The following CEP135 variants were observed in gnomAD, a reference collection of about 807,000 sequenced individuals.
The protein encoded by CEP135 is centrosomal protein of 135 kDa.
CEP135 carries 142 observed loss-of-function variants against 157.3 expected under a neutral mutation model. The ratio of observed to expected loss-of-function variants is 0.90; its 90% CI spans 0.79 to 1.04. The LOEUF (loss-of-function observed/expected upper bound fraction) is 1.04. CEP135 is among the 50% of genes least tolerant of loss of function. The pLI, the probability that CEP135 is intolerant of heterozygous loss-of-function variation, is 0.00. For synonymous variants in CEP135, 396 were observed against 439.8 expected, an observed-to-expected ratio of 0.90 and a Z score of 1.25; for missense variants, 1,317 against 1,309.2, an observed-to-expected ratio of 1.01 and a Z score of -0.09.
At chr4:56,004,420 A>G (rs375673717) in intron 17 of CEP135, among the ~76,000 whole-genome samples, 13 of 152,204 alleles carry the variant, frequency 8.5e-5, no homozygotes, top group African/African-American at 3.1e-4. Context: ...TCAGTTGGGC[A>G]TATTTGTCTA....
intron 6 of CEP135, among the ~76,000 whole-genome samples, chr4:55,963,038 TTTGG>T (rs1338667118): frequency 1.2e-4 from 19 of 152,154 alleles, no homozygotes; most frequent in African/African-American, 4.6e-4. Flanking sequence ...TATTCTCTAC[TTTGG>T]TTGGTAGCAT....
intron 14 of CEP135, among the ~76,000 whole-genome samples, chr4:55,988,684 G>A (rs982625375): frequency 6.9e-6 from 1 of 144,960 alleles, no homozygotes; most frequent in African/African-American, 2.6e-5. Context: ...ATGGCTGGGC[G>A]TGGTGGCTCA....
At chr4:56,013,549 A>G (rs1730665518) in intron 21 of CEP135, among the ~76,000 whole-genome samples, 1 of 152,204 alleles carries the variant, frequency 6.6e-6, no homozygotes, top group African/African-American at 2.4e-5. Context: ...ATTTTTACAA[A>G]TGATATAAGA....
At chr4:56,010,184 C>A (rs28516070) in intron 19 of CEP135, among the ~76,000 whole-genome samples, 3 of 116,776 alleles carry the variant, frequency 2.6e-5, no homozygotes, top group Non-Finnish European at 5.3e-5. Context: ...AACCCCCCCC[C>A]CACCCCCATC....
chr4:55,993,069 A>C (rs1305929019), intron 15 of CEP135, among the ~76,000 whole-genome samples: 1 of 152,234 alleles, frequency 6.6e-6, no homozygotes, highest in Non-Finnish European at 1.5e-5. Flanking sequence ...GAGATCAGAA[A>C]GGATTATAGT....
chr4:56,026,422 T>G (rs1731161398), intron 25 of CEP135, among the ~76,000 whole-genome samples: 1 of 150,608 alleles, frequency 6.6e-6, no homozygotes, highest in African/African-American at 2.4e-5. Context: ...TTTGCTTACT[T>G]TTAGACATTT....
chr4:56,009,988 TCTG>T, intron 19 of CEP135, 85 bp downstream of exon 19: 1 of 1,288,606 alleles, frequency 7.8e-7, no homozygotes, highest in African/African-American at 1.5e-5. Flanking sequence ...TTTTCTAAAA[TCTG>T]ATGATATAAA....
rs1577913262 is a variant in CEP135, at chr4:56,019,350, T to C, written c.3013-3T>C. 1 of 1,603,506 alleles carries C rather than the reference T, an allele frequency of 6.2e-7. No homozygotes were observed. The highest frequency in any genetic ancestry group is 1.9e-4 in the Middle Eastern group (1 of 5,228). On this transcript the variant is annotated splice_polypyrimidine_tract_variant and splice_region_variant and intron_variant, in intron 22 of 25. Transcript: ENST00000257287. ...AAGTAATCTTACTTTGTTTTTCACGTAGGTTGTGGTGGAATTAGAAAATGT... is the reference window on the plus strand; with the variant it reads ...AAGTAATCTTACTTTGTTTTTCACGCAGGTTGTGGTGGAATTAGAAAATGT...
chr4:55,973,357 C>T (rs187001322), intron 10 of CEP135, among the ~76,000 whole-genome samples: 1 of 152,318 alleles, frequency 6.6e-6, no homozygotes, highest in Non-Finnish European at 1.5e-5. Context: ...ATGTTTTGCA[C>T]TGTCAATAAA....
At position 56,011,991 on chromosome 4, in the gene CEP135, ATATT is replaced by A; in HGVS notation, c.2802+12_2802+15del. 6.8e-7 allele frequency: 1 copy of A among 1,474,196 alleles called. No individual in the cohort carries two copies. The highest frequency in any genetic ancestry group is 9.1e-7 in the Non-Finnish European group (1 of 1,102,738). 91.3% of individuals were successfully genotyped at this position (1,474,196 alleles called of 1,614,324 possible). On this transcript the variant is annotated splice_region_variant and intron_variant, in intron 21 of 25. Coordinates refer to ENST00000257287, the MANE Select transcript of CEP135 (RefSeq NM_025009.5). ...TAGAAAAAGAAATTCAAGAGGTAAT[ATATT>A]TATTTGTTTTGTAAAGATGTTATTT...
intron 8 of CEP135, among the ~76,000 whole-genome samples, chr4:55,967,720 G>A (rs1382103996): frequency 3.3e-5 from 5 of 152,064 alleles, no homozygotes; most frequent in African/African-American, 7.2e-5. Context: ...GTATATCACC[G>A]AATTGATTTT....
chr4:56,016,555 A>G (rs1000541988), intron 21 of CEP135, among the ~76,000 whole-genome samples: 2 of 152,326 alleles, frequency 1.3e-5, no homozygotes, highest in African/African-American at 2.4e-5. Context: ...ATACAATACT[A>G]AAGTATTATA....
At chr4:55,964,015 A>C (rs1728764874) in intron 6 of CEP135, among the ~76,000 whole-genome samples, 1 of 152,222 alleles carries the variant, frequency 6.6e-6, no homozygotes, top group Non-Finnish European at 1.5e-5. Context: ...GAGGGAAAAA[A>C]ATACAAAAAT....
In CEP135 at chr4:55,959,691, A is replaced by T. The variant is rs758365942; in HGVS notation, c.624A>T (p.Glu208Asp). 1.2e-6 allele frequency: 2 copies of T among 1,613,984 alleles called. No individual in the cohort carries two copies. The highest frequency in any genetic ancestry group is 2.2e-5 in the South Asian group (2 of 91,056). Reference sequence around the variant, plus strand: ...TTAAAGTGCTTTTCAGGATTCAAGAACTTCAACAGGAAGTCCACCAGCTAC... The same window carrying T: ...TTAAAGTGCTTTTCAGGATTCAAGATCTTCAACAGGAAGTCCACCAGCTAC... ...LLQVADNRIQ[E>D]LQQEVHQLQE... Residue 208 changes from glutamate (E) to aspartate (D), a missense_variant, in exon 6 of 26, where the codon GAA becomes GAT. By Grantham distance (45) the Glu-to-Asp change is conservative (BLOSUM62 2). Coordinates refer to ENST00000257287, the MANE Select transcript of CEP135 (RefSeq NM_025009.5).
intron 15 of CEP135, among the ~76,000 whole-genome samples, chr4:55,997,310 C>G (rs1730006819): frequency 6.6e-6 from 1 of 152,126 alleles, no homozygotes; most frequent in East Asian, 1.9e-4. Flanking sequence ...AAAGACGAAG[C>G]TACTTTTAGG....
At chr4:55,999,066 T>C (rs1374911727) in intron 15 of CEP135, among the ~76,000 whole-genome samples, 2 of 152,164 alleles carry the variant, frequency 1.3e-5, no homozygotes, top group Non-Finnish European at 2.9e-5. Flanking sequence ...AGCACACAAT[T>C]AATTTGATTT....
chr4:55,957,795 T>C (rs942948320), intron 5 of CEP135, among the ~76,000 whole-genome samples: 1 of 152,232 alleles, frequency 6.6e-6, no homozygotes, highest in African/African-American at 2.4e-5. Context: ...TTTCCTTACA[T>C]TTGAATCATA....
chr4:55,981,240 T>C lies in CEP135; in HGVS notation c.1640T>C (p.Leu547Ser), dbSNP rs1729395055. ...SVLYNEAQEE[L>S]SALRKESTQT... Reference sequence around the variant, plus strand: ...TCATTCTTTAAGGCTCAGGAAGAATTATCTGCCCTAAGAAAGGAATCCACC... The same window carrying C: ...TCATTCTTTAAGGCTCAGGAAGAATCATCTGCCCTAAGAAAGGAATCCACC... Residue 547 changes from leucine to serine, a missense_variant, in exon 13 of 26, where the codon TTA becomes TCA. Leu to Ser is a moderately radical substitution (Grantham distance 145). Transcript: ENST00000257287. The C allele has an allele frequency of 2.5e-6, 4 of 1,584,966 alleles. No individual in the cohort carries two copies. Among genetic ancestry groups the C allele is most frequent in the Non-Finnish European group, 2.6e-6 (3 of 1,171,936 alleles).
At chr4:55,966,221 G>A in intron 8 of CEP135, 1 of 185,110 alleles carries the variant, frequency 5.4e-6, no homozygotes, top group Non-Finnish European at 1.1e-5. Context: ...TTTTGAGACA[G>A]AATCTCTGTC....
Sources: allele counts gnomAD v4.1 joint callset (sites outside exome capture counted in the v4.1 genomes callset), GRCh38; gene constraint gnomAD v4.1.1; transcripts MANE v1.5; gene names NCBI Gene and HGNC (gene_info 2026-07-23, HGNC 2026-07-21).